The following CEMIP variants were observed in gnomAD, a reference collection of about 807,000 sequenced individuals.
The protein encoded by CEMIP is cell migration inducing hyaluronidase 1.
In CEMIP, 105 loss-of-function variants were observed where a neutral mutation model predicts 156.9. That is an observed-to-expected ratio of 0.67 (90% CI 0.57 to 0.79). The LOEUF (loss-of-function observed/expected upper bound fraction) is 0.79, where lower values mean the gene tolerates loss of function less well. Among genes scored for constraint, CEMIP ranks in the 30% least tolerant of loss-of-function variants. The pLI is 0.00. For synonymous variants in CEMIP, 676 were observed against 668.4 expected, an observed-to-expected ratio of 1.01 and a Z score of -0.17; for missense variants, 1,457 against 1,769.4, an observed-to-expected ratio of 0.82 and a Z score of 3.17.
intron 3 of CEMIP, among the ~76,000 whole-genome samples, chr15:80,878,026 T>G (rs1009576764): frequency 6.6e-6 from 1 of 152,184 alleles, no homozygotes; most frequent in Non-Finnish European, 1.5e-5. Context: ...CACTGTGTCT[T>G]AGAAGCCTCA....
At chr15:80,879,013 C>CAA in intron 4 of CEMIP, 146 bp downstream of exon 4, 2 of 1,074,022 alleles carry the variant, frequency 1.9e-6, no homozygotes, top group Non-Finnish European at 2.8e-6. Flanking sequence ...CTGAGATAAC[C>CAA]ATCAGCTCTG....
At chr15:80,782,713 A>G (rs1895829445) in intron 1 of CEMIP, among the ~76,000 whole-genome samples, 1 of 152,196 alleles carries the variant, frequency 6.6e-6, no homozygotes, top group African/African-American at 2.4e-5. Flanking sequence ...TTAATAGCTC[A>G]GAAGGAATCT....
rs1043865392 is a variant in CEMIP, at chr15:80,932,521, G to C, written c.2793+482G>C. ...ACAGAGAAGGCAGAAGAGGGGCGGAGGATTAGGAGATCAGGAGCAAGGGCT... is the reference window on the plus strand; with the variant it reads ...ACAGAGAAGGCAGAAGAGGGGCGGACGATTAGGAGATCAGGAGCAAGGGCT... On this transcript the variant is annotated intron_variant, in intron 22 of 29. Coordinates refer to ENST00000394685, the MANE Select transcript of CEMIP (RefSeq NM_001293298.2). This position sits in a 1 kb window ranked among gnomAD's most constrained non-coding sequence, Gnocchi z 4.5. Among the ~76,000 whole-genome samples the C allele has an allele frequency of 1.3e-5, 2 of 152,086 alleles. No individual in the cohort carries two copies. The highest frequency in any genetic ancestry group is 4.8e-5 in the African/African-American group (2 of 41,422).
At chr15:80,944,170 C>T (rs1380939713) in intron 28 of CEMIP, among the ~76,000 whole-genome samples, 2 of 152,200 alleles carry the variant, frequency 1.3e-5, no homozygotes, top group Admixed American at 6.5e-5. Flanking sequence ...GTCCCAGCTA[C>T]TCAGGAGGCT....
At chr15:80,801,227 T>G (rs62006879) in intron 1 of CEMIP, among the ~76,000 whole-genome samples, 51,584 of 152,166 alleles carry the variant, frequency 0.34, 10,279 homozygotes, top group Non-Finnish European at 0.46. Flanking sequence ...CTGTGTATTA[T>G]TGTCCTGTGG....
At position 80,896,051 on chromosome 15, in the gene CEMIP, A is replaced by G; in HGVS notation, c.1402A>G (p.Lys468Glu). The G allele has an allele frequency of 1.9e-6, 3 of 1,614,042 alleles. No homozygotes were observed. Among genetic ancestry groups the G allele is most frequent in the Non-Finnish European group, 2.5e-6 (3 of 1,180,036 alleles). The change falls in exon 12 of 30, where the codon AAA (lysine) becomes GAA (glutamate). Residue 468 changes from lysine (K) to glutamate (E), a missense_variant. By Grantham distance (56) the Lys-to-Glu change is moderately conservative (BLOSUM62 1). This residue lies in a region of CEMIP where 280 missense variants were observed against 300.3 expected (regional missense o/e 0.93). Coordinates refer to ENST00000394685, the MANE Select transcript of CEMIP (RefSeq NM_001293298.2). ...PCRSCAPNQV[K>E]VAGKPMYLHI... ...CAGATCCTGCGCCCCCAACCAGGTC[A>G]AAGTGGCAGGTAGGACTTTTACTAA... is the stretch of plus-strand genomic sequence containing the variant.
intron 1 of CEMIP, among the ~76,000 whole-genome samples, chr15:80,827,673 C>T (rs1897069999): frequency 6.6e-6 from 1 of 152,082 alleles, no homozygotes; most frequent in African/African-American, 2.4e-5. Flanking sequence ...TTGCAAACCA[C>T]CAAACAGATT....
chr15:80,900,471 C>T (rs750194519), intron 12 of CEMIP, among the ~76,000 whole-genome samples: 1 of 152,088 alleles, frequency 6.6e-6, no homozygotes, highest in Non-Finnish European at 1.5e-5. Flanking sequence ...CTACCTCCCT[C>T]CCTGAAGGAC....
intron 1 of CEMIP, among the ~76,000 whole-genome samples, chr15:80,804,496 T>G (rs1219312673): frequency 6.6e-6 from 1 of 152,202 alleles, no homozygotes; most frequent in Non-Finnish European, 1.5e-5. Flanking sequence ...TTGACTCTTC[T>G]GAACTTCAGT....
chr15:80,934,097 G>C (rs1275678712), intron 23 of CEMIP, among the ~76,000 whole-genome samples: 1 of 152,094 alleles, frequency 6.6e-6, no homozygotes, highest in African/African-American at 2.4e-5. Flanking sequence ...CAAGGGAAGT[G>C]TAGTCCTACT....
chr15:80,933,534 T>C (rs976275717), intron 23 of CEMIP, 74 bp downstream of exon 23: 29 of 1,157,522 alleles, frequency 2.5e-5, no homozygotes, highest in Non-Finnish European at 3.4e-5. Context: ...GTGTCTACTC[T>C]ATGCCTGGCT....
intron 25 of CEMIP, among the ~76,000 whole-genome samples, chr15:80,939,526 A>G (rs924447713): frequency 6.6e-5 from 10 of 152,258 alleles, no homozygotes; most frequent in African/African-American, 2.4e-4. Flanking sequence ...TTTCCGGCTC[A>G]TGAGTGAAAT....
intron 18 of CEMIP, 32 bp downstream of exon 18, chr15:80,924,738 G>T: frequency 1.9e-6 from 3 of 1,587,144 alleles, no homozygotes; most frequent in Non-Finnish European, 2.6e-6. Context: ...ACAGTCCACG[G>T]TGACCTTGCA....
intron 1 of CEMIP, among the ~76,000 whole-genome samples, chr15:80,781,065 G>A (rs1000415898): frequency 5.3e-5 from 8 of 152,314 alleles, no homozygotes; most frequent in Middle Eastern, 3.4e-3. Context: ...ACCCCTCAGA[G>A]CTGTTAGGAA....
rs574179447 is a variant in CEMIP at position 80,790,216 on chromosome 15, G to A, written c.-176+10602G>A. Among the ~76,000 whole-genome samples, 14 of 152,316 alleles carry A rather than the reference G, an allele frequency of 9.2e-5. No homozygotes were observed. In the East Asian group the frequency reaches 1.9e-3, roughly 21 times the overall value. On this transcript the variant is annotated intron_variant, in intron 1 of 29. Coordinates refer to ENST00000394685, the MANE Select transcript of CEMIP (RefSeq NM_001293298.2). ...ACTCCCAAGGGCTAGCACATAGTAGGTGCTCAAATATTTTTTAAATATTCA... is the reference window on the plus strand; with the variant it reads ...ACTCCCAAGGGCTAGCACATAGTAGATGCTCAAATATTTTTTAAATATTCA...
At chr15:80,841,638 T>C (rs1416152254) in intron 1 of CEMIP, among the ~76,000 whole-genome samples, 1 of 152,194 alleles carries the variant, frequency 6.6e-6, no homozygotes, top group Non-Finnish European at 1.5e-5. Flanking sequence ...TTCTTTTTCC[T>C]TCCTTCTCTT....
chr15:80,889,163 G>C (rs1218188932), intron 9 of CEMIP, among the ~76,000 whole-genome samples: 1 of 152,226 alleles, frequency 6.6e-6, no homozygotes, highest in Non-Finnish European at 1.5e-5. Context: ...AGCAATCCTA[G>C]TTGCAGTCCT....
At chr15:80,912,715 T>G (rs781193698) in intron 14 of CEMIP, among the ~76,000 whole-genome samples, 7 of 152,212 alleles carry the variant, frequency 4.6e-5, no homozygotes, top group Admixed American at 3.9e-4. Flanking sequence ...CACCTCACCC[T>G]GTAAATGCTC....
intron 1 of CEMIP, among the ~76,000 whole-genome samples, chr15:80,856,810 T>A (rs986595748): frequency 1.1e-4 from 17 of 152,202 alleles, no homozygotes; most frequent in African/African-American, 1.4e-4. Context: ...CCCAGCTAGC[T>A]TTATCAGAAC....
Sources: allele counts gnomAD v4.1 joint callset (sites outside exome capture counted in the v4.1 genomes callset), GRCh38; gene constraint gnomAD v4.1.1; regional missense constraint gnomAD v4.1.1; non-coding constraint Gnocchi (gnomAD v3.1); transcripts MANE v1.5; gene names NCBI Gene and HGNC (gene_info 2026-07-23, HGNC 2026-07-21).